Variants in TUBB8 observed in about 807,000 individuals in gnomAD.
The protein encoded by TUBB8 is tubulin beta-8 chain.
In TUBB8, 25 loss-of-function variants were observed where a neutral mutation model predicts 33.7. The observed-to-expected ratio is 0.74, with a 90% CI of 0.54 to 1.04. The LOEUF (loss-of-function observed/expected upper bound fraction) is 1.04, where lower values mean the gene tolerates loss of function less well. Among genes scored for constraint, TUBB8 ranks in the 50% least tolerant of loss-of-function variants. TUBB8 has a pLI of 0.00. For missense variants in TUBB8, 279 were observed against 608.0 expected (o/e 0.46, Z 5.69); for synonymous variants, 245 against 240.1 (o/e 1.02, Z -0.19).
At chr10:74,871 T>A (rs1421386377), upstream of TUBB8, among the ~76,000 whole-genome samples, 1 of 7,080 alleles carries the variant, frequency 1.4e-4, no homozygotes, top group Non-Finnish European at 5.9e-4. Context: ...TGCCAATTTT[T>A]TTTTTTTTTT....
At position 47,896 on chromosome 10, in the gene TUBB8, T is replaced by A. The variant is rs781901776; in HGVS notation, c.496A>T (p.Thr166Ser). The stretch of plus-strand genomic sequence containing the variant: ...TTGGGCGAGGGCAGGATGCTGAATG[T>A]GTTTATGATCCTGTCTGGGTACTCC... Reference protein sequence around the residue: ...REEYPDRIINTFSILPSPKVS... With the variant: ...REEYPDRIINSFSILPSPKVS... The change falls in exon 4 of 4, where the codon ACA becomes TCA. Residue 166 changes from threonine (T) to serine (S), a missense_variant. Thr to Ser is a moderately conservative substitution (Grantham distance 58). Coordinates refer to ENST00000568584, the MANE Select transcript of TUBB8 (RefSeq NM_177987.3). 1.2e-6 allele frequency: 2 copies of A among 1,613,648 alleles called. No individual in the cohort carries two copies. Among genetic ancestry groups the A allele is most frequent in the South Asian group, 2.2e-5 (2 of 91,086 alleles).
At chr10:57,090 A>C (rs111760609) in intron 1 of TUBB8, among the ~76,000 whole-genome samples, 1 of 152,228 alleles carries the variant, frequency 6.6e-6, no homozygotes. Context: ...GAGTTATTGA[A>C]TTTTAAGGCT....
intron 1 of TUBB8, among the ~76,000 whole-genome samples, chr10:71,423 C>T (rs548264644): frequency 6.6e-6 from 1 of 151,712 alleles, no homozygotes; most frequent in African/African-American, 2.4e-5. Context: ...CACCTGAGGT[C>T]AGGAGTTCGA....
chr10:72,512 C>G (rs773325209), intron 1 of TUBB8, among the ~76,000 whole-genome samples: 1 of 152,146 alleles, frequency 6.6e-6, no homozygotes, highest in Non-Finnish European at 1.5e-5. Context: ...GAGCTGAGAT[C>G]GCGCCACTGC....
upstream of TUBB8, among the ~76,000 whole-genome samples, chr10:54,116 C>T (rs1554739921): frequency 5.3e-5 from 8 of 152,336 alleles, no homozygotes; most frequent in East Asian, 1.9e-4. Context: ...TGTTCTGCTA[C>T]CAAATACTGT....
intron 1 of TUBB8, among the ~76,000 whole-genome samples, chr10:54,489 G>GT (rs1414928179): frequency 6.6e-6 from 1 of 151,594 alleles, no homozygotes; most frequent in Non-Finnish European, 1.5e-5. Flanking sequence ...AGCAACATTT[G>GT]TTTTTGACTG....
At chr10:68,797 G>C (rs1237352065) in intron 1 of TUBB8, among the ~76,000 whole-genome samples, 6 of 152,192 alleles carry the variant, frequency 3.9e-5, no homozygotes, top group African/African-American at 1.4e-4. Context: ...GTCTCTACCT[G>C]ACAATCCAAT....
downstream of TUBB8, chr10:46,815 C>T (rs529838197): frequency 1.1e-3 from 468 of 430,916 alleles, 2 homozygotes; most frequent in African/African-American, 8.1e-3. Context: ...AGACAGCTTC[C>T]GCCTTGCAGG....
intron 1 of TUBB8, among the ~76,000 whole-genome samples, chr10:57,761 T>A (rs13328760): frequency 0.064 from 7,004 of 109,782 alleles, no homozygotes; most frequent in African/African-American, 0.15. Flanking sequence ...CCTTTTAGAT[T>A]TCTAAAATGC....
upstream of TUBB8, among the ~76,000 whole-genome samples, chr10:75,177 C>T (rs1330974128): frequency 5.1e-5 from 4 of 78,032 alleles, no homozygotes; most frequent in African/African-American, 1.8e-4. Flanking sequence ...GCCACCGCGC[C>T]CAGCCAAATT....
upstream of TUBB8, among the ~76,000 whole-genome samples, chr10:52,512 T>A (rs2131817135): frequency 6.6e-6 from 1 of 152,374 alleles, no homozygotes. Flanking sequence ...AGAGCAGGAA[T>A]GCATTGTCTT....
At chr10:56,812 T>C (rs554215636) in intron 1 of TUBB8, among the ~76,000 whole-genome samples, 2 of 152,290 alleles carry the variant, frequency 1.3e-5, no homozygotes, top group South Asian at 2.1e-4. Flanking sequence ...CCAAATCTCA[T>C]ATCCTTCTCA....
intron 1 of TUBB8, among the ~76,000 whole-genome samples, chr10:67,293 G>A (rs1473717710): frequency 6.6e-6 from 1 of 152,190 alleles, no homozygotes; most frequent in African/African-American, 2.4e-5. Context: ...ATGGCTTTGT[G>A]TAGTACTGCC....
At chr10:50,612 G>A (rs1385262301), upstream of TUBB8, among the ~76,000 whole-genome samples, 4 of 152,182 alleles carry the variant, frequency 2.6e-5, no homozygotes, top group Admixed American at 1.3e-4. Context: ...AAATCTGAAC[G>A]ATGTTGTATG....
upstream of TUBB8, among the ~76,000 whole-genome samples, chr10:50,879 T>C (rs1554739496): frequency 6.6e-6 from 1 of 152,212 alleles, no homozygotes; most frequent in East Asian, 1.9e-4. Flanking sequence ...ATAAAACAAC[T>C]TGCATCTGTT....
At chr10:74,525 G>C (rs1834782787), upstream of TUBB8, among the ~76,000 whole-genome samples, 1 of 151,372 alleles carries the variant, frequency 6.6e-6, no homozygotes, top group South Asian at 2.1e-4. Flanking sequence ...TACTCTGGAG[G>C]CTGAGGCAGG....
At chr10:65,180 G>A (rs1456862271) in intron 1 of TUBB8, among the ~76,000 whole-genome samples, 1 of 152,134 alleles carries the variant, frequency 6.6e-6, no homozygotes, top group Non-Finnish European at 1.5e-5. Context: ...GTTGACAAAG[G>A]CTACAGGCAC....
intron 1 of TUBB8, among the ~76,000 whole-genome samples, chr10:61,604 T>C (rs1283245317): frequency 1.3e-5 from 2 of 152,274 alleles, no homozygotes; most frequent in Non-Finnish European, 2.9e-5. Context: ...TGTAAATATC[T>C]ATTAGGTTCA....
chr10:68,543 T>C (rs1447738390), intron 1 of TUBB8, among the ~76,000 whole-genome samples: 1 of 152,222 alleles, frequency 6.6e-6, no homozygotes. Flanking sequence ...TTGGCCTCTG[T>C]AGTGAAGTTT....
Sources: gnomAD v4.1 joint callset for allele counts (sites outside exome capture counted in the v4.1 genomes callset) on GRCh38, gnomAD v4.1.1 for gene constraint, MANE v1.5 for transcripts, NCBI Gene and HGNC (gene_info 2026-07-23, HGNC 2026-07-21) for gene names.